The following ZFPM2 variants were observed in gnomAD, a reference collection of about 807,000 sequenced individuals.
The protein encoded by ZFPM2 is zinc finger protein ZFPM2.
Under a neutral mutation model 98.6 loss-of-function variants are expected in ZFPM2, and 20 were observed. The ratio of observed to expected loss-of-function variants is 0.20; its 90% CI spans 0.14 to 0.29. The LOEUF (loss-of-function observed/expected upper bound fraction) is 0.29, where lower values mean the gene tolerates loss of function less well. ZFPM2 is among the 10% of genes least tolerant of loss of function. The probability of loss-of-function intolerance (pLI) is 1.00; values close to 1 mark genes in which losing one functional copy is unlikely to be tolerated. For synonymous variants in ZFPM2, 518 were observed against 502.7 expected (o/e 1.03, Z -0.41); for missense variants, 1,310 against 1,388.6 (o/e 0.94, Z 0.90).
intron 3 of ZFPM2, among the ~76,000 whole-genome samples, chr8:105,487,422 A>G (rs114422489): frequency 7.2e-4 from 109 of 152,270 alleles, no homozygotes; most frequent in African/African-American, 2.5e-3. Flanking sequence ...TCCAGCCACA[A>G]TATGTCATAT....
chr8:105,735,138 C>T (rs1812038737), intron 5 of ZFPM2, among the ~76,000 whole-genome samples: 1 of 147,698 alleles, frequency 6.8e-6, no homozygotes, highest in Non-Finnish European at 1.5e-5. Context: ...GTATCTACAT[C>T]TATAATATAG....
chr8:105,418,132 T>A (rs1440490754), intron 1 of ZFPM2, among the ~76,000 whole-genome samples: 2 of 152,152 alleles, frequency 1.3e-5, no homozygotes, highest in African/African-American at 2.4e-5. Flanking sequence ...CCTGGAAATT[T>A]CCTAGGACAT....
intron 3 of ZFPM2, among the ~76,000 whole-genome samples, chr8:105,453,620 G>T (rs906231464): frequency 6.6e-6 from 1 of 151,430 alleles, no homozygotes; most frequent in Non-Finnish European, 1.5e-5. Flanking sequence ...TTTTTTTCTG[G>T]AGTTTTTTTT....
chr8:105,473,604 A>G (rs1269816210), intron 3 of ZFPM2, among the ~76,000 whole-genome samples: 1 of 152,198 alleles, frequency 6.6e-6, no homozygotes, highest in Non-Finnish European at 1.5e-5. Context: ...AGAGCTCAAG[A>G]CAGAGTTTAA....
intron 1 of ZFPM2, chr8:105,418,568 AT>A: frequency 1.9e-6 from 1 of 517,898 alleles, no homozygotes; most frequent in Non-Finnish European, 3.9e-6. Flanking sequence ...AATTCAATTA[AT>A]TATGAATAGG....
chr8:105,319,367 T>G (rs1187513451), intron 1 of ZFPM2, among the ~76,000 whole-genome samples: 1 of 152,194 alleles, frequency 6.6e-6, no homozygotes, highest in African/African-American at 2.4e-5. Flanking sequence ...GACGTGGGAC[T>G]ACTCTTGGGA....
chr8:105,626,227 A>G (rs1261299690), intron 4 of ZFPM2, among the ~76,000 whole-genome samples: 4 of 152,152 alleles, frequency 2.6e-5, no homozygotes, highest in Non-Finnish European at 2.9e-5. Flanking sequence ...CTGAAAATTC[A>G]ATCGTATAAG....
intron 5 of ZFPM2, among the ~76,000 whole-genome samples, chr8:105,686,291 G>A (rs1269911806): frequency 2.0e-5 from 3 of 151,878 alleles, no homozygotes; most frequent in African/African-American, 7.3e-5. Context: ...TTAAACAGTC[G>A]TTTTGCTTAT....
intron 5 of ZFPM2, among the ~76,000 whole-genome samples, chr8:105,643,265 C>T (rs1287546462): frequency 1.3e-5 from 2 of 152,130 alleles, no homozygotes; most frequent in Non-Finnish European, 2.9e-5. Flanking sequence ...TACCAGACTT[C>T]GACAATTTTT....
chr8:105,370,336 C>G (rs1308840112), intron 1 of ZFPM2, among the ~76,000 whole-genome samples: 2 of 152,116 alleles, frequency 1.3e-5, no homozygotes, highest in Non-Finnish European at 2.9e-5. Flanking sequence ...ACTACCAGTT[C>G]AGAATAAGAA....
chr8:105,356,236 G>A (rs1024486019), intron 1 of ZFPM2, among the ~76,000 whole-genome samples: 1 of 152,140 alleles, frequency 6.6e-6, no homozygotes, highest in African/African-American at 2.4e-5. Context: ...TTGGCACTTG[G>A]TTTTCAAGTT....
intron 3 of ZFPM2, among the ~76,000 whole-genome samples, chr8:105,503,033 C>T (rs1793075439): frequency 6.6e-6 from 1 of 152,080 alleles, no homozygotes; most frequent in Non-Finnish European, 1.5e-5. Context: ...GTCCAAGTTC[C>T]AGGAAATATT....
At chr8:105,631,084 A>C (rs1388949765) in intron 4 of ZFPM2, among the ~76,000 whole-genome samples, 7 of 152,176 alleles carry the variant, frequency 4.6e-5, no homozygotes, top group Non-Finnish European at 2.9e-5. Flanking sequence ...TTTCAGTTGC[A>C]ATTTTCTTAT....
chr8:105,718,263 GCTGA>G (rs1171972946), intron 5 of ZFPM2, among the ~76,000 whole-genome samples: 1 of 151,810 alleles, frequency 6.6e-6, no homozygotes, highest in Non-Finnish European at 1.5e-5. Flanking sequence ...GGGTGTGGTG[GCTGA>G]CTACAACATC....
chr8:105,330,553 C>CATATATATATATATATACAT (rs61051244), intron 1 of ZFPM2, among the ~76,000 whole-genome samples: 5 of 92,438 alleles, frequency 5.4e-5, no homozygotes, highest in Admixed American at 1.3e-4. Flanking sequence ...TATATATATA[C>CATATATATATATATATACAT]ATATATATAT....
At chr8:105,737,106 C>A (rs1309879147) in intron 5 of ZFPM2, among the ~76,000 whole-genome samples, 2 of 151,948 alleles carry the variant, frequency 1.3e-5, no homozygotes, top group African/African-American at 4.8e-5. Context: ...CTTTAGATTT[C>A]CACCATGTCA....
At chr8:105,556,070 GA>G (rs1814982929) in intron 3 of ZFPM2, among the ~76,000 whole-genome samples, 2 of 152,298 alleles carry the variant, frequency 1.3e-5, no homozygotes, top group African/African-American at 2.4e-5. Context: ...GCTAGTGAAG[GA>G]ACTTGCATAA....
intron 5 of ZFPM2, among the ~76,000 whole-genome samples, chr8:105,778,895 T>A (rs1373696137): frequency 1.1e-5 from 1 of 91,316 alleles, no homozygotes; most frequent in African/African-American, 1.0e-4. Context: ...AACTGTCATC[T>A]TTTTTTTTTT....
At chr8:105,755,475 T>A (rs992422092) in intron 5 of ZFPM2, among the ~76,000 whole-genome samples, 1 of 152,166 alleles carries the variant, frequency 6.6e-6, no homozygotes, top group African/African-American at 2.4e-5. Context: ...AACTGGTCAT[T>A]TGAGTGCTTT....
Sources: allele counts gnomAD v4.1 joint callset (sites outside exome capture counted in the v4.1 genomes callset), GRCh38; gene constraint gnomAD v4.1.1; transcripts MANE v1.5; gene names NCBI Gene and HGNC (gene_info 2026-07-23, HGNC 2026-07-21).